Variants in GMPR observed in about 807,000 individuals in gnomAD.
GMPR encodes guanosine monophosphate reductase.
Under a neutral mutation model 38.4 loss-of-function variants are expected in GMPR, and 31 were observed. That is an observed-to-expected ratio of 0.81 (90% confidence interval 0.61 to 1.09). The LOEUF is 1.09. Ranked by LOEUF, GMPR falls within the 50% of genes least tolerant of loss-of-function variation. The pLI is 0.00. For synonymous variants in GMPR, 162 were observed against 173.3 expected, an observed-to-expected ratio of 0.93 and a Z score of 0.51; for missense variants, 468 against 453.7, an observed-to-expected ratio of 1.03 and a Z score of -0.29.
chr6:16,285,863 G>C (rs554815336), intron 7 of GMPR, 28 bp downstream of exon 7: 54 of 1,584,374 alleles, frequency 3.4e-5, no homozygotes, highest in South Asian at 9.1e-5. Flanking sequence ...TGCAGAGGGA[G>C]GGAAGGAAGG....
chr6:16,292,958 C>A (rs1019941429), intron 8 of GMPR, among the ~76,000 whole-genome samples: 5 of 152,172 alleles, frequency 3.3e-5, no homozygotes, highest in African/African-American at 4.8e-5. Context: ...AAATTAGAAC[C>A]TTAATCCAAA....
At chr6:16,265,974 G>GT (rs1263937490) in intron 4 of GMPR, among the ~76,000 whole-genome samples, 1 of 152,164 alleles carries the variant, frequency 6.6e-6, no homozygotes, top group African/African-American at 2.4e-5. Flanking sequence ...AACAATTGTG[G>GT]ATGTGCAACC....
rs1169146880 is a variant in GMPR, at chr6:16,243,670, A to T, written c.88-3172A>T. ...TTGCTTTACTCGGTACCATCTGTAG[A>T]TCTAGGAAAAGGAGCCTCTGTCCTG... On this transcript the variant is annotated intron_variant, in intron 1 of 8. Coordinates refer to ENST00000259727, the MANE Select transcript of GMPR (RefSeq NM_006877.4). Among the ~76,000 whole-genome samples, 4 of 152,224 alleles carry T rather than the reference A, an allele frequency of 2.6e-5. No homozygotes were observed. The East Asian group carries it at 7.7e-4, about 29-fold the overall frequency.
Position 16,295,361 on chromosome 6 carries a change from G to T in GMPR, c.*175G>T. 1 of 482,448 alleles carries T rather than the reference G, an allele frequency of 2.1e-6. No individual in the cohort carries two copies. The highest frequency in any genetic ancestry group is 3.5e-6 in the Non-Finnish European group (1 of 285,610). 29.9% of individuals were successfully genotyped at this position (482,448 alleles called of 1,614,324 possible). A position where few individuals can be genotyped will look rare whatever the true frequency, so the allele number is the denominator to read the frequency against. On this transcript the variant is annotated 3_prime_UTR_variant, in exon 9 of 9. Transcript: ENST00000259727. Reference sequence around the variant, plus strand: ...TCGGGGCTCTCCCGCCTGCCTTCTCGGGGCCCAGACGCAAGGCACCGATTG... The same window carrying T: ...TCGGGGCTCTCCCGCCTGCCTTCTCTGGGCCCAGACGCAAGGCACCGATTG...
chr6:16,271,860 C>A (rs1348391915), intron 4 of GMPR, among the ~76,000 whole-genome samples: 1 of 152,082 alleles, frequency 6.6e-6, no homozygotes, highest in Non-Finnish European at 1.5e-5. Context: ...AAATTGAGAT[C>A]TTTCTATTTC....
intron 8 of GMPR, among the ~76,000 whole-genome samples, chr6:16,292,829 A>G (rs551425547): frequency 6.6e-6 from 1 of 152,376 alleles, no homozygotes; most frequent in African/African-American, 2.4e-5. Flanking sequence ...CTGAAAGAAA[A>G]AACGTCTTCT....
At chr6:16,258,325 G>A (rs1759016944) in intron 4 of GMPR, among the ~76,000 whole-genome samples, 1 of 152,226 alleles carries the variant, frequency 6.6e-6, no homozygotes, top group South Asian at 2.1e-4. Context: ...TCACAGCTGG[G>A]CCTGCTGAGA....
intron 6 of GMPR, 46 bp downstream of exon 6, chr6:16,278,936 C>T: frequency 8.5e-7 from 1 of 1,180,728 alleles, no homozygotes; most frequent in Non-Finnish European, 1.2e-6. Context: ...TGGGAGGCCC[C>T]TGCTCCCTCG....
intron 4 of GMPR, among the ~76,000 whole-genome samples, chr6:16,272,601 G>A (rs1759405320): frequency 6.6e-6 from 1 of 152,208 alleles, no homozygotes. Context: ...TTATTCAGGA[G>A]GTTGAACACT....
At chr6:16,244,986 G>A (rs747816090) in intron 1 of GMPR, among the ~76,000 whole-genome samples, 3 of 152,116 alleles carry the variant, frequency 2.0e-5, no homozygotes, top group Admixed American at 2.0e-4. Flanking sequence ...GATCTCAGCC[G>A]GGTGCAGAGT....
At chr6:16,271,162 G>A (rs989955116) in intron 4 of GMPR, among the ~76,000 whole-genome samples, 4 of 152,024 alleles carry the variant, frequency 2.6e-5, no homozygotes, top group African/African-American at 7.3e-5. Context: ...CGCAGGTGGC[G>A]CCAGATTGGG....
At chr6:16,248,430 C>T (rs187835726) in intron 2 of GMPR, among the ~76,000 whole-genome samples, 1 of 151,158 alleles carries the variant, frequency 6.6e-6, no homozygotes, top group African/African-American at 2.4e-5. Flanking sequence ...ATGTCTGCTG[C>T]ACTCAGGGGT....
intron 4 of GMPR, among the ~76,000 whole-genome samples, chr6:16,267,792 T>A (rs1012320315): frequency 1.3e-5 from 2 of 152,068 alleles, no homozygotes; most frequent in Non-Finnish European, 2.9e-5. Context: ...GTGCCTGAGA[T>A]CTAATGTGTT....
At chr6:16,293,032 C>CTT (rs1201625884) in intron 8 of GMPR, among the ~76,000 whole-genome samples, 13 of 152,254 alleles carry the variant, frequency 8.5e-5, no homozygotes, top group Admixed American at 7.2e-4. Flanking sequence ...CTCTCTCTCT[C>CTT]TCTCTCTTAG....
chr6:16,238,851 AG>A (rs1758590283), intron 1 of GMPR, 71 bp downstream of exon 1: 8 of 745,800 alleles, frequency 1.1e-5, no homozygotes, highest in South Asian at 2.3e-5. Flanking sequence ...AGTGGGTGGA[AG>A]GGGGTGGCAC....
At chr6:16,266,212 G>T (rs1283338034) in intron 4 of GMPR, among the ~76,000 whole-genome samples, 2 of 150,092 alleles carry the variant, frequency 1.3e-5, no homozygotes, top group Non-Finnish European at 3.0e-5. Context: ...CACTCGCTGC[G>T]AAGAATGAAG....
intron 1 of GMPR, among the ~76,000 whole-genome samples, chr6:16,241,161 G>A (rs1758641126): frequency 6.6e-6 from 1 of 152,194 alleles, no homozygotes; most frequent in Non-Finnish European, 1.5e-5. Flanking sequence ...CTGAAGGGTA[G>A]ATGACCGACA....
intron 8 of GMPR, among the ~76,000 whole-genome samples, chr6:16,294,797 G>A (rs73724826): frequency 0.015 from 2,357 of 152,294 alleles, 65 homozygotes; most frequent in African/African-American, 0.054. Flanking sequence ...ATGAGCCCGT[G>A]CCCTTTGGGC....
chr6:16,285,727 G>A, intron 6 of GMPR, 66 bp from the exon 7 acceptor site: 2 of 1,360,076 alleles, frequency 1.5e-6, no homozygotes, highest in Non-Finnish European at 2.1e-6. Flanking sequence ...GGTCATCTGG[G>A]GGGAGGGGAC....
Sources: gnomAD v4.1 joint callset for allele counts (sites outside exome capture counted in the v4.1 genomes callset) on GRCh38, gnomAD v4.1.1 for gene constraint, MANE v1.5 for transcripts, NCBI Gene and HGNC (gene_info 2026-07-23, HGNC 2026-07-21) for gene names.